MOV10: variants seen among roughly 807,000 people sequenced by gnomAD.
The protein encoded by MOV10 is Mov10 RNA helicase, also known as RNA helicase MOV-10.
A neutral mutation model predicts 108.4 loss-of-function variants in MOV10; 39 were observed. The observed-to-expected ratio is 0.36, with a 90% confidence interval of 0.28 to 0.47. The LOEUF is 0.47. Ranked by LOEUF, MOV10 falls within the 20% of genes least tolerant of loss-of-function variation. The pLI is 1.00. For synonymous variants in MOV10, 490 were observed against 523.1 expected (o/e 0.94, Z 0.86); for missense variants, 952 against 1,297.6 (o/e 0.73, Z 4.09).
At chr1:112,687,875 G>T (rs144097555) in intron 2 of MOV10, among the ~76,000 whole-genome samples, 1 of 152,060 alleles carries the variant, frequency 6.6e-6, no homozygotes, top group African/African-American at 2.4e-5. Context: ...AGCTGACCTG[G>T]CTAGAGTTGT....
At position 112,689,398 on chromosome 1, in the gene MOV10, ACT is replaced by A; in HGVS notation, c.342-15_342-14del. On this transcript the variant is annotated splice_polypyrimidine_tract_variant and intron_variant, in intron 3 of 20. Transcript: ENST00000369645. ...CCGCTCCCACCCCAACCCCCCCTTG[ACT>A]CCCCTTCTCCCCAGGGCTGAGTATC... The A allele has an allele frequency of 5.1e-6, 3 of 585,026 alleles. No homozygotes were observed. The highest frequency in any genetic ancestry group is 9.6e-6 in the Non-Finnish European group (3 of 312,184). 36.2% of individuals were successfully genotyped at this position (585,026 alleles called of 1,614,324 possible).
chr1:112,684,117 AT>A (rs771705027), intron 2 of MOV10, among the ~76,000 whole-genome samples: 17 of 145,704 alleles, frequency 1.2e-4, no homozygotes, highest in African/African-American at 2.3e-4. Flanking sequence ...CACCTGACTA[AT>A]TTTTTTTTTT....
chr1:112,693,715 T>A, intron 7 of MOV10: 1 of 170,900 alleles, frequency 5.9e-6, no homozygotes, highest in Non-Finnish European at 1.2e-5. Context: ...CCCGATTAAC[T>A]GATGAACAGG....
chr1:112,689,640 A>G lies in MOV10; in HGVS notation c.567A>G (p.Pro189=). The change falls in exon 4 of 21, where the codon CCA becomes CCG. Residue 189 remains proline (P), a synonymous_variant. Transcript: ENST00000369645. ...ATGAAGACCAGGAGTTGCCCTGTCC[A>G]CTGGGCCCCGGTGAGTGAGTTTCCA... is the stretch of plus-strand genomic sequence containing the variant. The part of the protein sequence containing the change: ...FYNEDQELPC[P]LGPGECYELH... 1 of 1,614,074 alleles carries G rather than the reference A, an allele frequency of 6.2e-7. No individual in the cohort carries two copies. The highest frequency in any genetic ancestry group is 8.5e-7 in the Non-Finnish European group (1 of 1,179,970).
chr1:112,689,181 GGT>G lies in MOV10; in HGVS notation c.341+47_341+48del, dbSNP rs1557759478. The G allele has an allele frequency of 6.5e-6, 10 of 1,544,918 alleles. No individual in the cohort carries two copies. The East Asian group carries it at 2.4e-4, about 37-fold the overall frequency. ...GTTGTGTGTACGGGGAGGTCTGCAGGGTGTGAGGGAAGGGGGCTATCTGTGTG... is the reference window on the plus strand; with the variant it reads ...GTTGTGTGTACGGGGAGGTCTGCAGGGTGAGGGAAGGGGGCTATCTGTGTG... On this transcript the variant is annotated intron_variant, in intron 3 of 20. Coordinates refer to ENST00000369645, the MANE Select transcript of MOV10 (RefSeq NM_001321324.2).
chr1:112,681,900 GTTT>G (rs751683438), intron 2 of MOV10, among the ~76,000 whole-genome samples: 2 of 139,426 alleles, frequency 1.4e-5, no homozygotes, highest in Non-Finnish European at 1.6e-5. Context: ...TTGTTTATGG[GTTT>G]TTTTTTTTTT....
Position 112,682,746 on chromosome 1 carries a change from A to G in MOV10, c.138-6189A>G, listed in dbSNP as rs145284044. 2.7e-3 allele frequency among the ~76,000 whole-genome samples: 407 copies of G among 152,252 alleles called. 3 individuals carry two copies. Among genetic ancestry groups the G allele is most frequent in the African/African-American group, 9.3e-3 (386 of 41,534 alleles). ...ATAGTATGTACTGTTGTGTAAGGCA[A>G]CTTTCACTTAGCGTAATGTTTTTGA... is the stretch of plus-strand genomic sequence containing the variant. On this transcript the variant is annotated intron_variant, in intron 2 of 20. Transcript: ENST00000369645.
intron 13 of MOV10, 23 bp downstream of exon 13, chr1:112,696,557 C>T (rs1211689402): frequency 6.2e-7 from 1 of 1,610,964 alleles, no homozygotes; most frequent in Non-Finnish European, 8.5e-7. Context: ...GGTGGGGCTG[C>T]AGGTATACAC....
chr1:112,690,141 C>T, intron 5 of MOV10, 43 bp downstream of exon 5: 1 of 1,600,450 alleles, frequency 6.2e-7, no homozygotes, highest in South Asian at 1.1e-5. Flanking sequence ...GCTCGTATCT[C>T]AACCACATGG....
In MOV10 at chr1:112,694,074, C is replaced by T; in HGVS notation, c.1197C>T (p.Ala399=). The T allele has an allele frequency of 1.2e-6, 2 of 1,614,024 alleles. No homozygotes were observed. Among genetic ancestry groups the T allele is most frequent in the Non-Finnish European group, 1.7e-6 (2 of 1,179,988 alleles). Residue 399 remains alanine (A), a synonymous_variant, in exon 8 of 21, where the codon GCC becomes GCT. Coordinates refer to ENST00000369645, the MANE Select transcript of MOV10 (RefSeq NM_001321324.2). The surrounding 1 kb of genome is among the most constrained non-coding windows in gnomAD (Gnocchi z 4.1). ...PSVLRGDHLF[A]LLSSETHQED... is the part of the protein sequence containing the mutation. ...TGCTACGGGGCGACCACCTGTTTGC[C>T]CTTTTGTCCTCGGAGACACACCAGG... is the stretch of plus-strand genomic sequence containing the variant.
chr1:112,674,672 A>C lies in MOV10; in HGVS notation c.-123A>C. ...GAGGGAGGGGTCAGACGCTTTAGGA[A>C]AGAGTTAATGCGAAGAGGGGGAGGG... On this transcript the variant is annotated 5_prime_UTR_variant, in exon 1 of 21. Transcript: ENST00000369645. The C allele has an allele frequency of 4.8e-6, 2 of 416,638 alleles. No individual in the cohort carries two copies. Among genetic ancestry groups the C allele is most frequent in the Non-Finnish European group, 8.5e-6 (2 of 234,600 alleles). The allele number at this position is 416,638 out of a possible 1,614,324, so 25.8% of individuals were successfully genotyped here.
chr1:112,676,521 G>T (rs142552721), intron 2 of MOV10, among the ~76,000 whole-genome samples: 1,719 of 152,324 alleles, frequency 0.011, 14 homozygotes, highest in Non-Finnish European at 0.018. Context: ...TAGGAAAGAA[G>T]AGAGTTGGAG....
chr1:112,677,651 G>A (rs1672300487), intron 2 of MOV10, among the ~76,000 whole-genome samples: 1 of 152,080 alleles, frequency 6.6e-6, no homozygotes, highest in Non-Finnish European at 1.5e-5. Flanking sequence ...CTTTAGTCAG[G>A]TTTATATCTG....
In MOV10 at chr1:112,698,480, T is replaced by A. The variant is rs1468035203; in HGVS notation, c.2508+2T>A. 1.2e-6 allele frequency: 2 copies of A among 1,613,304 alleles called. No homozygotes were observed. The highest frequency in any genetic ancestry group is 1.7e-6 in the Non-Finnish European group (2 of 1,179,726). On this transcript the variant is annotated splice_donor_variant, in intron 16 of 20. Coordinates refer to ENST00000369645, the MANE Select transcript of MOV10 (RefSeq NM_001321324.2). LOFTEE classifies it high-confidence loss of function. ...GTCATCTCCCCGTACCGGAAACAGGTCAGGTCCTCAGTTACCAGCAAGGGT... is the reference window on the plus strand; with the variant it reads ...GTCATCTCCCCGTACCGGAAACAGGACAGGTCCTCAGTTACCAGCAAGGGT...
chr1:112,697,143 A>G (rs1674177486), intron 14 of MOV10, among the ~76,000 whole-genome samples: 1 of 152,096 alleles, frequency 6.6e-6, no homozygotes, highest in Non-Finnish European at 1.5e-5. Context: ...TTTTCAGGCA[A>G]TCCAAGGAGA....
At chr1:112,688,763 A>G (rs1236282222) in intron 2 of MOV10, 172 bp from the exon 3 acceptor site, 16 of 1,446,358 alleles carry the variant, frequency 1.1e-5, no homozygotes, top group African/African-American at 1.4e-5. Flanking sequence ...AAAACATTAA[A>G]CATTCCTCCG....
At chr1:112,696,976 G>A in intron 14 of MOV10, 130 bp downstream of exon 14, 3 of 790,324 alleles carry the variant, frequency 3.8e-6, no homozygotes. Flanking sequence ...AGACTAAACT[G>A]GAAGGCAGGA....
In MOV10 at chr1:112,696,509, G is replaced by A; in HGVS notation, c.1956G>A (p.Glu652=). 6.2e-7 allele frequency: 1 copy of A among 1,614,074 alleles called. No homozygotes were observed. Among genetic ancestry groups the A allele is most frequent in the Non-Finnish European group, 8.5e-7 (1 of 1,179,940 alleles). ...TCGATGAGGCTGGCCACTGCATGGA[G>A]CCTGAGAGTCTGGTAGCTATAGCAG... ...IFIDEAGHCM[E]PESLVAIAGL... The change falls in exon 13 of 21, where the codon GAG becomes GAA. Residue 652 remains glutamate, a synonymous_variant. Coordinates refer to ENST00000369645, the MANE Select transcript of MOV10 (RefSeq NM_001321324.2).
In MOV10 at chr1:112,693,781, C is replaced by CT. The variant is rs1673812020; in HGVS notation, c.1141-236dup. On this transcript the variant is annotated intron_variant, in intron 7 of 20. Transcript: ENST00000369645. ...GCCAAGAGGGCAGCTGCACTGGAGG[C>CT]TCCGGGTTCCTGGGCTCGGCATCTC... is the stretch of plus-strand genomic sequence containing the variant. 3.0e-5 allele frequency: 12 copies of CT among 404,738 alleles called. No individual in the cohort carries two copies. The Admixed American group carries it at 4.1e-4, about 14-fold the overall frequency. The allele number at this position is 404,738 out of a possible 1,614,324, so 25.1% of individuals were successfully genotyped here. A position where few individuals can be genotyped will look rare whatever the true frequency, so the allele number is the denominator to read the frequency against.
Sources: gnomAD v4.1 joint callset for allele counts (sites outside exome capture counted in the v4.1 genomes callset) on GRCh38, gnomAD v4.1.1 for gene constraint, Gnocchi (gnomAD v3.1) non-coding constraint, MANE v1.5 for transcripts, NCBI Gene and HGNC (gene_info 2026-07-23, HGNC 2026-07-21) for gene names.